Variants in SLC37A2 observed in about 807,000 individuals in gnomAD.
The protein encoded by SLC37A2 is glucose-6-phosphate exchanger SLC37A2.
SLC37A2 carries 59 observed loss-of-function variants against 70.7 expected under a neutral mutation model. The observed-to-expected ratio is 0.83, with a 90% CI of 0.68 to 1.04. The LOEUF is 1.04. Ranked by LOEUF, SLC37A2 falls within the 50% of genes least tolerant of loss-of-function variation. The probability of loss-of-function intolerance (pLI) is 0.00; values close to 1 mark genes in which losing one functional copy is unlikely to be tolerated. For synonymous variants in SLC37A2, 257 were observed against 262.1 expected (o/e 0.98, Z 0.19); for missense variants, 580 against 658.1 (o/e 0.88, Z 1.30).
rs749309449 is a variant in SLC37A2, at chr11:125,077,564, G to A, written c.314+36G>A. The A allele has an allele frequency of 3.2e-6, 5 of 1,573,214 alleles. No homozygotes were observed. The African/African-American group carries it at 4.1e-5, about 13-fold the overall frequency. On this transcript the variant is annotated intron_variant, in intron 4 of 17. Coordinates refer to ENST00000403796, the MANE Select transcript of SLC37A2 (RefSeq NM_001145290.2). ...AGGCTGAGCCTATGACCAAGAGGAG[G>A]ATGGTTTAGAGCTGCTACCTCCCCT...
In SLC37A2 at chr11:125,063,532, G is replaced by A; in HGVS notation, c.59+106G>A. 3 of 1,078,954 alleles carry A rather than the reference G, an allele frequency of 2.8e-6. No homozygotes were observed. Among genetic ancestry groups the A allele is most frequent in the South Asian group, 2.9e-5 (2 of 69,850 alleles). The allele number at this position is 1,078,954 out of a possible 1,614,324, so 66.8% of individuals were successfully genotyped here. A position where few individuals can be genotyped will look rare whatever the true frequency, so the allele number is the denominator to read the frequency against. ...ACCCCAGATCGGCCCCGGCGTCGCC[G>A]CGTGGCCAGGGGTGCTGGGGGGACT... On this transcript the variant is annotated intron_variant, in intron 1 of 17. Coordinates refer to ENST00000403796, the MANE Select transcript of SLC37A2 (RefSeq NM_001145290.2). This position sits in a 1 kb window ranked among gnomAD's most constrained non-coding sequence, Gnocchi z 5.4.
chr11:125,081,415 T>TC lies in SLC37A2; in HGVS notation c.695-6_695-5insC, dbSNP rs753016040. On this transcript the variant is annotated splice_polypyrimidine_tract_variant and splice_region_variant and intron_variant, in intron 7 of 17. Transcript: ENST00000403796. ...AAACTTCTTAGAAAGCGATTTTTTT[T>TC]TCTAGACCCAGAAGATGTGGACTGC... 3.7e-5 allele frequency: 60 copies of TC among 1,602,920 alleles called. No individual in the cohort carries two copies. Among genetic ancestry groups the TC allele is most frequent in the Middle Eastern group, 1.7e-4 (1 of 6,060 alleles).
In SLC37A2 at chr11:125,063,546, G is replaced by A. The variant is rs1014760002; in HGVS notation, c.59+120G>A. On this transcript the variant is annotated intron_variant, in intron 1 of 17. Transcript: ENST00000403796. This position sits in a 1 kb window ranked among gnomAD's most constrained non-coding sequence, Gnocchi z 5.4. ...CCGGCGTCGCCGCGTGGCCAGGGGT[G>A]CTGGGGGGACTTGGTCCCGAGCTCC... The A allele has an allele frequency of 3.2e-5, 29 of 917,398 alleles. No homozygotes were observed. The highest frequency in any genetic ancestry group is 4.5e-5 in the Non-Finnish European group (28 of 622,130). The allele number at this position is 917,398 out of a possible 1,614,324, so 56.8% of individuals were successfully genotyped here.
chr11:125,066,403 A>T (rs1392165691), intron 1 of SLC37A2, among the ~76,000 whole-genome samples: 1 of 152,232 alleles, frequency 6.6e-6, no homozygotes. Flanking sequence ...ACACAGTAAG[A>T]TCCCATCTCT....
chr11:125,074,661 C>T (rs2135565243), intron 1 of SLC37A2, among the ~76,000 whole-genome samples: 1 of 152,156 alleles, frequency 6.6e-6, no homozygotes. Context: ...GCAGGCTGTG[C>T]CTCTGGGTCC....
chr11:125,090,183 A>T lies in SLC37A2; in HGVS notation c.*2049A>T, dbSNP rs991798488. Reference sequence around the variant, plus strand: ...TCAAGGTTTATAAACACACCAATCAACACCCTGTGTCTAGCTCAGGGTTTG... The same window carrying T: ...TCAAGGTTTATAAACACACCAATCATCACCCTGTGTCTAGCTCAGGGTTTG... On this transcript the variant is annotated 3_prime_UTR_variant, in exon 18 of 18. Transcript: ENST00000403796. 1 of 149,550 alleles carries T rather than the reference A, an allele frequency of 6.7e-6. No homozygotes were observed. Among genetic ancestry groups the T allele is most frequent in the East Asian group, 2.0e-4 (1 of 5,112 alleles). 9.3% of individuals were successfully genotyped at this position (149,550 alleles called of 1,614,324 possible).
intron 5 of SLC37A2, 140 bp from the exon 6 acceptor site, chr11:125,079,544 G>A (rs1256937511): frequency 1.5e-6 from 1 of 679,366 alleles, no homozygotes; most frequent in African/African-American, 1.8e-5. Flanking sequence ...ATGTGTGTAA[G>A]GGAAGGGTAA....
intron 1 of SLC37A2, among the ~76,000 whole-genome samples, chr11:125,070,040 G>T (rs1475123998): frequency 1.3e-5 from 2 of 152,216 alleles, no homozygotes; most frequent in Non-Finnish European, 2.9e-5. Flanking sequence ...CCATTTCCTG[G>T]GGCCCTCTGA....
At chr11:125,086,321 CCT>C (rs1269355071) in intron 17 of SLC37A2, 6 of 1,241,968 alleles carry the variant, frequency 4.8e-6, no homozygotes, top group African/African-American at 4.4e-5. Flanking sequence ...GCATGCAAAT[CCT>C]CTGTCCTGCA....
At position 125,080,369 on chromosome 11, in the gene SLC37A2, G is replaced by A. The variant is rs1949133260; in HGVS notation, c.528-245G>A. 6.6e-6 allele frequency among the ~76,000 whole-genome samples: 1 copy of A among 152,224 alleles called. No homozygotes were observed. Among genetic ancestry groups the A allele is most frequent in the Non-Finnish European group, 1.5e-5 (1 of 68,038 alleles). On this transcript the variant is annotated intron_variant, in intron 6 of 17. Transcript: ENST00000403796. This position sits in a 1 kb window ranked among gnomAD's most constrained non-coding sequence, Gnocchi z 4.3. ...GGCCCCCATGCCCTCAGTGTGGCTA[G>A]AGCTCCCATCGGCACTCACTCAGGG...
intron 1 of SLC37A2, among the ~76,000 whole-genome samples, chr11:125,067,944 A>G (rs1294387764): frequency 6.6e-6 from 1 of 152,232 alleles, no homozygotes; most frequent in African/African-American, 2.4e-5. Context: ...TGTTCCTAGT[A>G]GAGTCTCATT....
intron 2 of SLC37A2, 76 bp from the exon 3 acceptor site, chr11:125,077,154 C>T (rs1428209981): frequency 1.6e-5 from 18 of 1,146,214 alleles, no homozygotes; most frequent in Non-Finnish European, 2.0e-5. Context: ...GCAGTGTCTC[C>T]AGTATGGTTG....
At chr11:125,081,279 C>T in intron 7 of SLC37A2, 142 bp from the exon 8 acceptor site, 2 of 784,664 alleles carry the variant, frequency 2.5e-6, no homozygotes, top group Admixed American at 2.5e-5. Flanking sequence ...TGCTGGGACA[C>T]ACACTGGCCA....
intron 1 of SLC37A2, among the ~76,000 whole-genome samples, chr11:125,065,994 G>A (rs74773719): frequency 0.028 from 4,306 of 152,290 alleles, 201 homozygotes; most frequent in African/African-American, 0.098. Flanking sequence ...AACATCAACA[G>A]TATTCTGAAC....
At chr11:125,081,320 G>A (rs111438604) in intron 7 of SLC37A2, 101 bp from the exon 8 acceptor site, 33 of 1,226,848 alleles carry the variant, frequency 2.7e-5, no homozygotes, top group Admixed American at 6.9e-5. Context: ...GCTGGTTCCC[G>A]GGATGGCTTA....
At chr11:125,081,307 G>A (rs1013054618) in intron 7 of SLC37A2, 114 bp from the exon 8 acceptor site, 9 of 1,049,678 alleles carry the variant, frequency 8.6e-6, no homozygotes, top group South Asian at 6.6e-5. Context: ...AGCTGGAGGC[G>A]GGGCTGGTTC....
At chr11:125,065,063 A>G (rs147573230) in intron 1 of SLC37A2, among the ~76,000 whole-genome samples, 11 of 152,372 alleles carry the variant, frequency 7.2e-5, no homozygotes, top group Non-Finnish European at 1.2e-4. Flanking sequence ...GACTACTGAA[A>G]TTATCTTCAT....
intron 1 of SLC37A2, 66 bp from the exon 2 acceptor site, chr11:125,076,691 A>G (rs760039229): frequency 1.4e-6 from 2 of 1,480,128 alleles, no homozygotes; most frequent in African/African-American, 1.4e-5. Context: ...CGGGTCAGGG[A>G]TGCCGGCCCA....
chr11:125,065,753 T>A (rs564533687), intron 1 of SLC37A2, among the ~76,000 whole-genome samples: 4,287 of 150,348 alleles, frequency 0.029, 200 homozygotes, highest in African/African-American at 0.099. Flanking sequence ...TATGTACTGG[T>A]AAAAAAAAAA....
Sources: allele counts gnomAD v4.1 joint callset (sites outside exome capture counted in the v4.1 genomes callset), GRCh38; gene constraint gnomAD v4.1.1; non-coding constraint Gnocchi (gnomAD v3.1); transcripts MANE v1.5; gene names NCBI Gene and HGNC (gene_info 2026-07-23, HGNC 2026-07-21).